Variants in ANKFY1 observed in about 807,000 individuals in gnomAD.
The protein encoded by ANKFY1 is ankyrin repeat and FYVE domain-containing protein 1.
In ANKFY1, 47 loss-of-function variants were observed where a neutral mutation model predicts 128.3. The observed-to-expected ratio is 0.37, with a 90% CI of 0.29 to 0.47. The LOEUF (loss-of-function observed/expected upper bound fraction) is 0.47, where lower values mean the gene tolerates loss of function less well. Among genes scored for constraint, ANKFY1 ranks in the 20% least tolerant of loss-of-function variants. ANKFY1 has a pLI of 1.00. For missense variants in ANKFY1, 1,222 were observed against 1,510.6 expected, an observed-to-expected ratio of 0.81 and a Z score of 3.17; for synonymous variants, 553 against 601.6, an observed-to-expected ratio of 0.92 and a Z score of 1.18.
chr17:4,225,794 C>A (rs2060415684), intron 3 of ANKFY1, among the ~76,000 whole-genome samples: 1 of 152,118 alleles, frequency 6.6e-6, no homozygotes, highest in African/African-American at 2.4e-5. Flanking sequence ...GACAGGGTCT[C>A]ACTGTCACCC....
chr17:4,225,194 TAA>T (rs2060404856), intron 3 of ANKFY1, among the ~76,000 whole-genome samples: 1 of 151,984 alleles, frequency 6.6e-6, no homozygotes, highest in Admixed American at 6.6e-5. Flanking sequence ...CCCTCTCTAC[TAA>T]AATTACAAAA....
intron 3 of ANKFY1, among the ~76,000 whole-genome samples, chr17:4,234,279 A>G (rs887115309): frequency 2.0e-5 from 3 of 152,202 alleles, no homozygotes; most frequent in Admixed American, 6.5e-5. Flanking sequence ...TCTCCTCACC[A>G]TATAATTCTG....
chr17:4,171,370 C>G (rs896207451), intron 22 of ANKFY1, among the ~76,000 whole-genome samples: 6 of 152,240 alleles, frequency 3.9e-5, no homozygotes, highest in African/African-American at 1.4e-4. Flanking sequence ...GGAACCCATG[C>G]TCTGGCCAGG....
chr17:4,214,454 A>AT (rs2060186974), intron 4 of ANKFY1, among the ~76,000 whole-genome samples: 1 of 152,082 alleles, frequency 6.6e-6, no homozygotes, highest in South Asian at 2.1e-4. Flanking sequence ...CCCGAAGGGA[A>AT]TTTTTTAATT....
At chr17:4,196,611 T>C (rs2059829208) in intron 8 of ANKFY1, among the ~76,000 whole-genome samples, 1 of 152,224 alleles carries the variant, frequency 6.6e-6, no homozygotes, top group Admixed American at 6.5e-5. Flanking sequence ...AGGGCCGTGC[T>C]ATGGACAAAG....
intron 23 of ANKFY1, 90 bp downstream of exon 23, chr17:4,170,625 C>A: frequency 5.3e-6 from 8 of 1,508,140 alleles, no homozygotes; most frequent in Non-Finnish European, 4.5e-6. Context: ...CCTAAGGCAT[C>A]ATGAGATTGA....
intron 7 of ANKFY1, among the ~76,000 whole-genome samples, chr17:4,202,753 T>C (rs1183005139): frequency 8.3e-6 from 1 of 120,164 alleles, no homozygotes; most frequent in South Asian, 2.8e-4. Context: ...TAAGAAAAGA[T>C]AGGTTAATGA....
chr17:4,186,197 C>G lies in ANKFY1; in HGVS notation c.1471-1151G>C, dbSNP rs1173339775. The G allele has an allele frequency of 2.0e-5, 3 of 152,262 alleles. No homozygotes were observed. The East Asian group carries it at 5.8e-4, about 29-fold the overall frequency. The allele number at this position is 152,262 out of a possible 1,614,324, so 9.4% of individuals were successfully genotyped here. Reference sequence around the variant, plus strand: ...CACACACACTGGAGTGTTTTCACCCCAACAAGTGGAAATGAACGGAATGCA... The same window carrying G: ...CACACACACTGGAGTGTTTTCACCCGAACAAGTGGAAATGAACGGAATGCA... On this transcript the variant is annotated intron_variant, in intron 11 of 24. Transcript: ENST00000341657.
intron 3 of ANKFY1, among the ~76,000 whole-genome samples, chr17:4,235,361 A>G (rs1966873527): frequency 6.6e-6 from 1 of 151,876 alleles, no homozygotes; most frequent in Admixed American, 6.6e-5. Context: ...AAAAAGAAAA[A>G]AAAAGTCCTT....
chr17:4,254,777 G>A (rs966506967), intron 1 of ANKFY1, among the ~76,000 whole-genome samples: 1 of 152,186 alleles, frequency 6.6e-6, no homozygotes, highest in Non-Finnish European at 1.5e-5. Context: ...ACACTTTCCT[G>A]TAATATTTTG....
intron 3 of ANKFY1, among the ~76,000 whole-genome samples, chr17:4,230,031 G>A (rs964870899): frequency 2.6e-5 from 4 of 152,124 alleles, no homozygotes; most frequent in Non-Finnish European, 2.9e-5. Context: ...GGATGTCATC[G>A]AAGGAACACA....
chr17:4,226,127 C>T (rs184076456), intron 3 of ANKFY1, among the ~76,000 whole-genome samples: 4 of 152,106 alleles, frequency 2.6e-5, no homozygotes, highest in African/African-American at 9.7e-5. Flanking sequence ...TGTAAATGTA[C>T]ATAATAGAGG....
intron 1 of ANKFY1, among the ~76,000 whole-genome samples, chr17:4,254,303 CAAAAAAAA>C (rs572606909): frequency 6.0e-4 from 49 of 81,918 alleles, no homozygotes; most frequent in South Asian, 1.1e-3. Context: ...GACTCCATCT[CAAAAAAAA>C]AAAAAAAAAA....
rs528552512 is a variant in ANKFY1, at chr17:4,169,952, C to T, written c.3287-664G>A. 1.7e-3 allele frequency among the ~76,000 whole-genome samples: 257 copies of T among 152,304 alleles called. 1 individual carries two copies. The highest frequency in any genetic ancestry group is 5.8e-3 in the African/African-American group (242 of 41,564). ...CTGAGCTCATGGGGACGGAGCAGCA[C>T]GTGAGTCCGTCAGTTCCTTCTGAGT... On this transcript the variant is annotated intron_variant, in intron 23 of 24. Coordinates refer to ENST00000341657, the MANE Select transcript of ANKFY1 (RefSeq NM_001330063.2). The surrounding 1 kb of genome is among the most constrained non-coding windows in gnomAD (Gnocchi z 5.0).
chr17:4,248,095 C>T (rs1189810764), intron 1 of ANKFY1, among the ~76,000 whole-genome samples: 2 of 152,166 alleles, frequency 1.3e-5, no homozygotes, highest in African/African-American at 4.8e-5. Flanking sequence ...CTTACTTCCT[C>T]TCTGTGCTTC....
chr17:4,169,404 A>G lies in ANKFY1; in HGVS notation c.3287-116T>C. 1 of 738,808 alleles carries G rather than the reference A, an allele frequency of 1.4e-6. No individual in the cohort carries two copies. Among genetic ancestry groups the G allele is most frequent in the Non-Finnish European group, 2.3e-6 (1 of 431,398 alleles). The allele number at this position is 738,808 out of a possible 1,614,324, so 45.8% of individuals were successfully genotyped here. A position where few individuals can be genotyped will look rare whatever the true frequency, so the allele number is the denominator to read the frequency against. On this transcript the variant is annotated intron_variant, in intron 23 of 24. Coordinates refer to ENST00000341657, the MANE Select transcript of ANKFY1 (RefSeq NM_001330063.2). This position sits in a 1 kb window ranked among gnomAD's most constrained non-coding sequence, Gnocchi z 5.0. ...AAGTGAGGCAGCGCTGCCACATGAC[A>G]TAGGTGACGAAGGAGCGATAGGTTC...
chr17:4,245,789 C>CT (rs1340255029), intron 1 of ANKFY1, among the ~76,000 whole-genome samples: 1 of 150,330 alleles, frequency 6.7e-6, no homozygotes, highest in East Asian at 1.9e-4. Context: ...TGGCTCATGC[C>CT]TGTAATCCCA....
chr17:4,236,615 G>A (rs1299521155), intron 2 of ANKFY1, among the ~76,000 whole-genome samples: 2 of 152,092 alleles, frequency 1.3e-5, no homozygotes, highest in African/African-American at 4.8e-5. Context: ...TAACAAAAAC[G>A]TCAAGATGAC....
At chr17:4,225,006 A>G (rs1219572424) in intron 3 of ANKFY1, among the ~76,000 whole-genome samples, 1 of 151,176 alleles carries the variant, frequency 6.6e-6, no homozygotes, top group African/African-American at 2.4e-5. Flanking sequence ...GCTTAAGTAT[A>G]AACTTGTTTT....
Sources: allele counts gnomAD v4.1 joint callset (sites outside exome capture counted in the v4.1 genomes callset), GRCh38; gene constraint gnomAD v4.1.1; non-coding constraint Gnocchi (gnomAD v3.1); transcripts MANE v1.5; gene names NCBI Gene and HGNC (gene_info 2026-07-23, HGNC 2026-07-21).